The following CELSR2 variants were observed in gnomAD, a reference collection of about 807,000 sequenced individuals.
CELSR2 encodes the protein cadherin EGF LAG seven-pass G-type receptor 2.
CELSR2 carries 81 observed loss-of-function variants against 251.6 expected under a neutral mutation model. The ratio of observed to expected loss-of-function variants is 0.32; its 90% CI spans 0.27 to 0.39. The LOEUF (loss-of-function observed/expected upper bound fraction) is 0.39, where lower values mean the gene tolerates loss of function less well. CELSR2 is among the 10% of genes least tolerant of loss of function. CELSR2 has a pLI of 1.00. For missense variants in CELSR2, 3,365 were observed against 3,947.7 expected (o/e 0.85, Z 3.96); for synonymous variants, 1,721 against 1,670.5 (o/e 1.03, Z -0.74).
At chr1:109,266,421 G>GT (rs1656189219) in intron 15 of CELSR2, 54 of 572,940 alleles carry the variant, frequency 9.4e-5, no homozygotes, top group South Asian at 1.7e-4. Flanking sequence ...TTTTGGTTTG[G>GT]TTTTTTTTCT....
rs368353963 is a variant in CELSR2 at position 109,258,533 on chromosome 1, C to A, written c.3412C>A (p.Pro1138Thr). The A allele has an allele frequency of 2.5e-6, 4 of 1,605,108 alleles. No homozygotes were observed. In the African/African-American group the frequency reaches 5.4e-5, roughly 21 times the overall value. The stretch of plus-strand genomic sequence containing the variant: ...CACGCTGCGCCTGGAGGACATGTCA[C>A]CCGAGCGCTTCCTGTCACCACTGCT... ...SITLRLEDMS[P>T]ERFLSPLLGL... The change falls in exon 2 of 34, where the codon CCC becomes ACC. Residue 1138 changes from proline to threonine, a missense_variant. Physicochemically the swap from Pro to Thr is conservative, Grantham distance 38. Transcript: ENST00000271332.
Position 109,274,173 on chromosome 1 carries a change from G to A in CELSR2, c.*124G>A, listed in dbSNP as rs980766974. On this transcript the variant is annotated 3_prime_UTR_variant, in exon 34 of 34. Coordinates refer to ENST00000271332, the MANE Select transcript of CELSR2 (RefSeq NM_001408.3). ...CGCCTGCCCGCAGCAGCGACGAAAC[G>A]TCCATCTGAGGAGCCTGGGCCTTGC... The A allele has an allele frequency of 6.9e-6, 11 of 1,594,804 alleles. No individual in the cohort carries two copies. The highest frequency in any genetic ancestry group is 1.3e-5 in the African/African-American group (1 of 74,412).
In CELSR2 at chr1:109,269,835, G is replaced by A. The variant is rs1570792469; in HGVS notation, c.7107+15G>A. On this transcript the variant is annotated intron_variant, in intron 22 of 33. Coordinates refer to ENST00000271332, the MANE Select transcript of CELSR2 (RefSeq NM_001408.3). The surrounding 1 kb of genome is among the most constrained non-coding windows in gnomAD (Gnocchi z 6.4). Reference sequence around the variant, plus strand: ...CTCGGCGGGAGGTCGGGCCCACAGGGGCAGCTGCAGAGCCGTGGGTGGGCA... The same window carrying A: ...CTCGGCGGGAGGTCGGGCCCACAGGAGCAGCTGCAGAGCCGTGGGTGGGCA... The A allele has an allele frequency of 6.2e-7, 1 of 1,612,724 alleles. No homozygotes were observed. The highest frequency in any genetic ancestry group is 1.1e-5 in the South Asian group (1 of 91,084).
chr1:109,264,468 C>T lies in CELSR2; in HGVS notation c.5304C>T (p.Ser1768=), dbSNP rs780076603. The change falls in exon 11 of 34, where the codon AGC becomes AGT. Residue 1768 remains serine, a synonymous_variant. Transcript: ENST00000271332. ...FRGCLQGVRV[S]DTPEGVNSLD... ...GTCCCTCCCAGGGTGTGCGGGTGAG[C>T]GATACGCCGGAGGGGGTTAACAGCC... 10 of 1,612,842 alleles carry T rather than the reference C, an allele frequency of 6.2e-6. No homozygotes were observed. Among genetic ancestry groups the T allele is most frequent in the African/African-American group, 1.3e-5 (1 of 74,882 alleles).
At position 109,251,084 on chromosome 1, in the gene CELSR2, C is replaced by T; in HGVS notation, c.1005C>T (p.Ser335=). The part of the protein sequence containing the change: ...LYRLLEGSGG[S]PSEVFEIDPR... ...GCCTGCTGGAGGGGTCTGGGGGCAGCCCCTCTGAAGTCTTTGAGATCGACC... is the reference window on the plus strand; with the variant it reads ...GCCTGCTGGAGGGGTCTGGGGGCAGTCCCTCTGAAGTCTTTGAGATCGACC... The change falls in exon 1 of 34, where the codon AGC becomes AGT. Residue 335 remains serine (S), a synonymous_variant. Coordinates refer to ENST00000271332, the MANE Select transcript of CELSR2 (RefSeq NM_001408.3). This position sits in a 1 kb window ranked among gnomAD's most constrained non-coding sequence, Gnocchi z 4.9. 1 of 1,613,394 alleles carries T rather than the reference C, an allele frequency of 6.2e-7. No individual in the cohort carries two copies. The highest frequency in any genetic ancestry group is 1.1e-5 in the South Asian group (1 of 91,040).
chr1:109,275,670 T>C lies in CELSR2; in HGVS notation c.*1621T>C, dbSNP rs898375610. 1 of 152,260 alleles carries C rather than the reference T, an allele frequency of 6.6e-6. No individual in the cohort carries two copies. Among genetic ancestry groups the C allele is most frequent in the African/African-American group, 2.4e-5 (1 of 41,472 alleles). 9.4% of individuals were successfully genotyped at this position (152,260 alleles called of 1,614,324 possible). A position where few individuals can be genotyped will look rare whatever the true frequency, so the allele number is the denominator to read the frequency against. On this transcript the variant is annotated 3_prime_UTR_variant, in exon 34 of 34. Coordinates refer to ENST00000271332, the MANE Select transcript of CELSR2 (RefSeq NM_001408.3). ...TAACCATCAGATTGTACAGTTTGGT[T>C]GTTGCTGTAAATAGGGTAGCGTTTT...
chr1:109,273,209 T>C lies in CELSR2; in HGVS notation c.8382T>C (p.Phe2794=), dbSNP rs535281402. Residue 2794 remains phenylalanine (F), a synonymous_variant, in exon 32 of 34, where the codon TTT becomes TTC. Transcript: ENST00000271332. ...GCAAGGCCCCCTGGCCAGGAGACTTTGGGACCACAGCAAAAGAGAGTAGTG... is the reference window on the plus strand; with the variant it reads ...GCAAGGCCCCCTGGCCAGGAGACTTCGGGACCACAGCAAAAGAGAGTAGTG... ...GPGKAPWPGD[F]GTTAKESSGN... is the part of the protein sequence containing the mutation. 12 of 1,613,580 alleles carry C rather than the reference T, an allele frequency of 7.4e-6. No individual in the cohort carries two copies. In the South Asian group the frequency reaches 1.2e-4, roughly 16 times the overall value.
chr1:109,272,418 G>C lies in CELSR2; in HGVS notation c.8054+13G>C. 6.2e-7 allele frequency: 1 copy of C among 1,601,666 alleles called. No individual in the cohort carries two copies. The highest frequency in any genetic ancestry group is 1.7e-5 in the Admixed American group (1 of 59,262). ...CCTTCTTGCTGAGGTGAATCCCGGA[G>C]ATGGGAGGGTGGAGGAGGGGAGGAG... On this transcript the variant is annotated intron_variant, in intron 29 of 33. Coordinates refer to ENST00000271332, the MANE Select transcript of CELSR2 (RefSeq NM_001408.3).
rs767522942 is a variant in CELSR2, at chr1:109,251,591, C to G, written c.1512C>G (p.Ile504Met). 6.2e-6 allele frequency: 10 copies of G among 1,613,832 alleles called. No individual in the cohort carries two copies. Among genetic ancestry groups the G allele is most frequent in the Admixed American group, 3.3e-5 (2 of 59,996 alleles). Residue 504 changes from isoleucine (I) to methionine (M), a missense_variant, in exon 1 of 34, where the codon ATC becomes ATG. Physicochemically the swap from Ile to Met is conservative, Grantham distance 10. Coordinates refer to ENST00000271332, the MANE Select transcript of CELSR2 (RefSeq NM_001408.3). This position sits in a 1 kb window ranked among gnomAD's most constrained non-coding sequence, Gnocchi z 4.9. Reference sequence around the variant, plus strand: ...TGGATATCAACGACAATGCCCCCATCTTCGTCAGCACCCCTTTCCAGGCTA... The same window carrying G: ...TGGATATCAACGACAATGCCCCCATGTTCGTCAGCACCCCTTTCCAGGCTA... ...QVLDINDNAP[I>M]FVSTPFQATV... is the part of the protein sequence containing the mutation.
In CELSR2 at chr1:109,249,749, G is replaced by GAACCCGGGGCCCGGC. The variant is rs1553179239; in HGVS notation, c.-328_-314dup. On this transcript the variant is annotated 5_prime_UTR_variant, in exon 1 of 34. Transcript: ENST00000271332. Reference sequence around the variant, plus strand: ...GGGCGGAGGGGGCACCCCGGCTCCGGAACCCGGGGCCCGGCAAGGCCAGGG... The same window carrying GAACCCGGGGCCCGGC: ...GGGCGGAGGGGGCACCCCGGCTCCGGAACCCGGGGCCCGGCAACCCGGGGCCCGGCAAGGCCAGGG... 6.7e-6 allele frequency among the ~76,000 whole-genome samples: 1 copy of GAACCCGGGGCCCGGC among 149,502 alleles called. No individual in the cohort carries two copies. The highest frequency in any genetic ancestry group is 1.5e-5 in the Non-Finnish European group (1 of 67,068).
In CELSR2 at chr1:109,269,521, G is replaced by T. The variant is rs757098397; in HGVS notation, c.6910G>T (p.Val2304Leu). ...CCGGGCCCTGGACAAACCCGTCACGGTGCAGTTCCGCCTGCTGGAGACAGA... is the reference window on the plus strand; with the variant it reads ...CCGGGCCCTGGACAAACCCGTCACGTTGCAGTTCCGCCTGCTGGAGACAGA... ...LPRALDKPVT[V>L]QFRLLETEER... Residue 2304 changes from valine (V) to leucine (L), a missense_variant, in exon 21 of 34, where the codon GTG becomes TTG. Physicochemically the swap from Val to Leu is conservative, Grantham distance 32. Coordinates refer to ENST00000271332, the MANE Select transcript of CELSR2 (RefSeq NM_001408.3). The surrounding 1 kb of genome is among the most constrained non-coding windows in gnomAD (Gnocchi z 6.4). 1.2e-6 allele frequency: 2 copies of T among 1,614,128 alleles called. No homozygotes were observed. Among genetic ancestry groups the T allele is most frequent in the Non-Finnish European group, 8.5e-7 (1 of 1,180,028 alleles).
intron 28 of CELSR2, 33 bp from the exon 29 acceptor site, chr1:109,272,245 C>G (rs768047029): frequency 6.5e-7 from 1 of 1,538,068 alleles, no homozygotes; most frequent in East Asian, 2.3e-5. Flanking sequence ...CCATCCCACT[C>G]CCCACTTACT....
rs1656461550 is a variant in CELSR2 at position 109,274,221 on chromosome 1, TA to T, written c.*174del. 6.7e-7 allele frequency: 1 copy of T among 1,481,554 alleles called. No homozygotes were observed. Among genetic ancestry groups the T allele is most frequent in the African/African-American group, 1.4e-5 (1 of 71,206 alleles). The allele number at this position is 1,481,554 out of a possible 1,614,324, so 91.8% of individuals were successfully genotyped here. ...TGCCGGGAGGGGTACTCACCCCACC[TA>T]AGGCCATCTAGTGCCAACTCCCCCC... On this transcript the variant is annotated 3_prime_UTR_variant, in exon 34 of 34. Coordinates refer to ENST00000271332, the MANE Select transcript of CELSR2 (RefSeq NM_001408.3).
intron 24 of CELSR2, 23 bp downstream of exon 24, chr1:109,270,623 TTGGGG>T: frequency 2.0e-6 from 1 of 495,412 alleles, no homozygotes. Flanking sequence ...ATTCCCAGTC[TTGGGG>T]TCCCACATCC....
Position 109,273,497 on chromosome 1 carries a change from C to G in CELSR2, c.8571C>G (p.Pro2857=), listed in dbSNP as rs773120150. 1.1e-5 allele frequency: 17 copies of G among 1,611,088 alleles called. No individual in the cohort carries two copies. The African/African-American group carries it at 1.6e-4, about 15-fold the overall frequency. Residue 2857 remains proline, a synonymous_variant, in exon 33 of 34, where the codon CCC becomes CCG. Transcript: ENST00000271332. ...ISEKSSLLRL[P]LEQCTGSSRG... is the part of the protein sequence containing the mutation. ...AGAAGAGCAGCCTCCTGCGGCTCCC[C>G]CTGGAGCAATGCACAGGGTCTTCCC...
rs935083637 is a variant in CELSR2 at position 109,258,427 on chromosome 1, C to T, written c.3311-5C>T. ...GCTGGGTCCTGACTGTGTCCCTCTC[C>T]ACAGACGGCGTACACAGCGTGACCG... is the stretch of plus-strand genomic sequence containing the variant. On this transcript the variant is annotated splice_polypyrimidine_tract_variant and splice_region_variant and intron_variant, in intron 1 of 33. Coordinates refer to ENST00000271332, the MANE Select transcript of CELSR2 (RefSeq NM_001408.3). 4 of 1,563,620 alleles carry T rather than the reference C, an allele frequency of 2.6e-6. No individual in the cohort carries two copies. In the Admixed American group the frequency reaches 5.3e-5, roughly 21 times the overall value.
At position 109,258,925 on chromosome 1, in the gene CELSR2, C is replaced by A. The variant is rs201183175; in HGVS notation, c.3804C>A (p.Pro1268=). 7.5e-5 allele frequency: 121 copies of A among 1,612,126 alleles called. 3 individuals carry two copies. The South Asian group carries it at 1.2e-3, about 15-fold the overall frequency. The change falls in exon 2 of 34, where the codon CCC becomes CCA. Residue 1268 remains proline, a synonymous_variant. Coordinates refer to ENST00000271332, the MANE Select transcript of CELSR2 (RefSeq NM_001408.3). ...SSSVLFRPIH[P]VGGLRCRCPP... is the part of the protein sequence containing the mutation. ...CCGTGCTCTTCCGGCCCATCCACCC[C>A]GTCGGAGGGCTGCGCTGCCGCTGCC...
chr1:109,270,775 C>T, intron 24 of CELSR2, 152 bp from the exon 25 acceptor site: 1 of 1,003,500 alleles, frequency 1.0e-6, no homozygotes, highest in South Asian at 1.5e-5. Flanking sequence ...CCAGGCGTCA[C>T]TCCCTTATCC....
chr1:109,267,725 G>A (rs1656243798), intron 16 of CELSR2, 83 bp downstream of exon 16: 1 of 1,564,252 alleles, frequency 6.4e-7, no homozygotes, highest in Non-Finnish European at 8.7e-7. Flanking sequence ...TTGAGAACGG[G>A]GCTTCTGGAA....
Sources: allele counts gnomAD v4.1 joint callset (sites outside exome capture counted in the v4.1 genomes callset), GRCh38; gene constraint gnomAD v4.1.1; non-coding constraint Gnocchi (gnomAD v3.1); transcripts MANE v1.5; gene names NCBI Gene and HGNC (gene_info 2026-07-23, HGNC 2026-07-21).